DAND5: variants seen among roughly 807,000 people sequenced by gnomAD.
The protein encoded by DAND5 is DAN domain BMP antagonist family member 5.
In DAND5, 8 loss-of-function variants were observed where a neutral mutation model predicts 9.2. That is an observed-to-expected ratio of 0.87 (90% CI 0.51 to 1.56). The LOEUF is 1.56. DAND5 is among the 40% of genes most tolerant of loss of function. The pLI is 0.00. For missense variants in DAND5, 244 were observed against 244.7 expected, an observed-to-expected ratio of 1.00 and a Z score of 0.02; for synonymous variants, 95 against 101.1, an observed-to-expected ratio of 0.94 and a Z score of 0.36.
chr19:12,970,870 G>A (rs1236302298), intron 1 of DAND5, among the ~76,000 whole-genome samples: 1 of 152,100 alleles, frequency 6.6e-6, no homozygotes, highest in African/African-American at 2.4e-5. Flanking sequence ...TTGTAGAGAC[G>A]TGGTTTGGCC....
chr19:12,973,166 T>C (rs190926597), intron 1 of DAND5, among the ~76,000 whole-genome samples: 3 of 152,296 alleles, frequency 2.0e-5, no homozygotes, highest in African/African-American at 7.2e-5. Flanking sequence ...CCGGCCCTTG[T>C]TGAATTTCAA....
chr19:12,973,147 C>T (rs887972285), intron 1 of DAND5, among the ~76,000 whole-genome samples: 3 of 152,180 alleles, frequency 2.0e-5, no homozygotes, highest in African/African-American at 4.8e-5. Context: ...CAGGCGTGAG[C>T]CACCGCGCCC....
At chr19:12,971,485 G>A (rs2011145275) in intron 1 of DAND5, among the ~76,000 whole-genome samples, 1 of 151,520 alleles carries the variant, frequency 6.6e-6, no homozygotes, top group Admixed American at 6.6e-5. Context: ...CACCATGTTG[G>A]TCAGGCTGGT....
rs45499495 is a variant in DAND5 at position 12,973,693 on chromosome 19, G to T, written c.*59G>T. 1.4e-5 allele frequency: 22 copies of T among 1,573,332 alleles called. No individual in the cohort carries two copies. The highest frequency in any genetic ancestry group is 1.9e-5 in the Non-Finnish European group (22 of 1,159,768). ...CACCTTGGAGAAATGAGGGGAGATG[G>T]ACCAAGAAAGACGTGGACCTGGATG... On this transcript the variant is annotated 3_prime_UTR_variant, in exon 2 of 2. Transcript: ENST00000317060.
intron 1 of DAND5, among the ~76,000 whole-genome samples, chr19:12,971,825 A>C (rs1468916152): frequency 6.7e-6 from 1 of 150,008 alleles, no homozygotes; most frequent in African/African-American, 2.5e-5. Context: ...TCCTGACCTC[A>C]AATGATCCAC....
chr19:12,970,672 TTC>T, intron 1 of DAND5: 2 of 471,358 alleles, frequency 4.2e-6, no homozygotes, highest in Non-Finnish European at 7.5e-6. Flanking sequence ...CTTTCTTTCT[TTC>T]TTTTCTCTCT....
intron 1 of DAND5, among the ~76,000 whole-genome samples, chr19:12,972,309 T>C (rs1268479696): frequency 6.6e-6 from 1 of 152,126 alleles, no homozygotes; most frequent in African/African-American, 2.4e-5. Context: ...TCTGCCTGCG[T>C]TGGCCTCCCA....
Position 12,973,669 on chromosome 19 carries a change from A to C in DAND5, c.*35A>C. ...CGTGGATGGGTGCACGGAGACACGC[A>C]CCTTGGAGAAATGAGGGGAGATGGA... On this transcript the variant is annotated 3_prime_UTR_variant, in exon 2 of 2. Coordinates refer to ENST00000317060, the MANE Select transcript of DAND5 (RefSeq NM_152654.3). 6.3e-7 allele frequency: 1 copy of C among 1,596,614 alleles called. No individual in the cohort carries two copies.
chr19:12,970,331 G>C, intron 1 of DAND5: 1 of 625,784 alleles, frequency 1.6e-6, no homozygotes, highest in Non-Finnish European at 2.9e-6. Flanking sequence ...ACAAATTTCT[G>C]TACTCTCTGA....
rs2011159711 is a variant in DAND5, at chr19:12,973,841, G to A, written c.*207G>A. 1 of 624,382 alleles carries A rather than the reference G, an allele frequency of 1.6e-6. No individual in the cohort carries two copies. The highest frequency in any genetic ancestry group is 3.0e-5 in the East Asian group (1 of 33,772). The allele number at this position is 624,382 out of a possible 1,614,324, so 38.7% of individuals were successfully genotyped here. A position where few individuals can be genotyped will look rare whatever the true frequency, so the allele number is the denominator to read the frequency against. On this transcript the variant is annotated 3_prime_UTR_variant, in exon 2 of 2. Coordinates refer to ENST00000317060, the MANE Select transcript of DAND5 (RefSeq NM_152654.3). ...TGGAGTTGCACCACTGATAGTCACA[G>A]CACACAATGATTGACAACTCACTTT...
Position 12,974,644 on chromosome 19 carries a change from T to G in DAND5, c.*1010T>G, listed in dbSNP as rs2011164183. ...CAGGACCCTCGTGTTCCCAGCTGCCTCTTGCCTTGATAGTGGTGCTGTGTC... is the reference window on the plus strand; with the variant it reads ...CAGGACCCTCGTGTTCCCAGCTGCCGCTTGCCTTGATAGTGGTGCTGTGTC... On this transcript the variant is annotated 3_prime_UTR_variant, in exon 2 of 2. Coordinates refer to ENST00000317060, the MANE Select transcript of DAND5 (RefSeq NM_152654.3). 2 of 152,198 alleles carry G rather than the reference T, an allele frequency of 1.3e-5. No homozygotes were observed. Among genetic ancestry groups the G allele is most frequent in the South Asian group, 4.1e-4 (2 of 4,824 alleles). 9.4% of individuals were successfully genotyped at this position (152,198 alleles called of 1,614,324 possible). A position where few individuals can be genotyped will look rare whatever the true frequency, so the allele number is the denominator to read the frequency against.
At position 12,970,661 on chromosome 19, in the gene DAND5, C is replaced by CTTT. The variant is rs1035619087; in HGVS notation, c.324+677_324+678insTTT. The CTTT allele has an allele frequency of 1.4e-5, 6 of 424,040 alleles. No individual in the cohort carries two copies. The African/African-American group carries it at 2.2e-4, about 16-fold the overall frequency. 26.3% of individuals were successfully genotyped at this position (424,040 alleles called of 1,614,324 possible). A position where few individuals can be genotyped will look rare whatever the true frequency, so the allele number is the denominator to read the frequency against. ...TTTCTCTTTCTTTCTTTCTTTCTTT[C>CTTT]CTTTCTTTCTTTCTTTTCTCTCTCT... On this transcript the variant is annotated intron_variant, in intron 1 of 1. Transcript: ENST00000317060.
chr19:12,973,024 G>A (rs940623001), intron 1 of DAND5, among the ~76,000 whole-genome samples: 7 of 151,482 alleles, frequency 4.6e-5, no homozygotes, highest in Admixed American at 3.3e-4. Flanking sequence ...CACCACGCCC[G>A]GCTCATTTTT....
Position 12,973,795 on chromosome 19 carries a change from C to CAGT in DAND5, c.*164_*166dup. 1 of 965,098 alleles carries CAGT rather than the reference C, an allele frequency of 1.0e-6. No individual in the cohort carries two copies. Among genetic ancestry groups the CAGT allele is most frequent in the Non-Finnish European group, 1.5e-6 (1 of 667,976 alleles). 59.8% of individuals were successfully genotyped at this position (965,098 alleles called of 1,614,324 possible). ...CAGAGTCCTCACCCTGCTCCCCAGACAGTAGACACAGTGCCCGTCCTGGAG... is the reference window on the plus strand; with the variant it reads ...CAGAGTCCTCACCCTGCTCCCCAGACAGTAGTAGACACAGTGCCCGTCCTGGAG... On this transcript the variant is annotated 3_prime_UTR_variant, in exon 2 of 2. Coordinates refer to ENST00000317060, the MANE Select transcript of DAND5 (RefSeq NM_152654.3).
In DAND5 at chr19:12,974,174, A is replaced by C. The variant is rs1465948688; in HGVS notation, c.*540A>C. 3 of 153,468 alleles carry C rather than the reference A, an allele frequency of 2.0e-5. No individual in the cohort carries two copies. The highest frequency in any genetic ancestry group is 2.9e-5 in the Non-Finnish European group (2 of 69,366). The allele number at this position is 153,468 out of a possible 1,614,324, so 9.5% of individuals were successfully genotyped here. A position where few individuals can be genotyped will look rare whatever the true frequency, so the allele number is the denominator to read the frequency against. On this transcript the variant is annotated 3_prime_UTR_variant, in exon 2 of 2. Transcript: ENST00000317060. The stretch of plus-strand genomic sequence containing the variant: ...CTCTCTGTCACCCAGGCTGGAGTGC[A>C]ATGGCGCGATCTTGGCTCACTGTAA...
chr19:12,972,018 G>T (rs550722508), intron 1 of DAND5, among the ~76,000 whole-genome samples: 2 of 151,756 alleles, frequency 1.3e-5, no homozygotes, highest in East Asian at 1.9e-4. Context: ...AGCCTTCTGA[G>T]TAGCTAGGCC....
At chr19:12,970,077 G>C in intron 1 of DAND5, 93 bp downstream of exon 1, 1 of 1,452,124 alleles carries the variant, frequency 6.9e-7, no homozygotes, top group Non-Finnish European at 9.3e-7. Flanking sequence ...TTCAAGTCCT[G>C]TATCCTCCAC....
Position 12,969,911 on chromosome 19 carries a change from T to C in DAND5, c.251T>C (p.Val84Ala), listed in dbSNP as rs760221389. 11 of 1,613,972 alleles carry C rather than the reference T, an allele frequency of 6.8e-6. No homozygotes were observed. In the South Asian group the frequency reaches 7.7e-5, roughly 11 times the overall value. ...MGRLQRGQDE[V>A]AAVTLPLNPQ... ...AGGCTGCAGCGTGGGCAAGACGAGG[T>C]GGCTGCTGTGACTCTGCCGCTGAAC... The change falls in exon 1 of 2, where the codon GTG (valine) becomes GCG (alanine). Residue 84 changes from valine (V) to alanine (A), a missense_variant. Val to Ala is a moderately conservative substitution (Grantham distance 64). Transcript: ENST00000317060.
intron 1 of DAND5, among the ~76,000 whole-genome samples, chr19:12,970,753 T>C (rs1196296842): frequency 1.3e-5 from 2 of 151,948 alleles, no homozygotes; most frequent in Non-Finnish European, 2.9e-5. Flanking sequence ...CAATCTCGGC[T>C]CACTGCAACC....
Sources: allele counts gnomAD v4.1 joint callset (sites outside exome capture counted in the v4.1 genomes callset), GRCh38; gene constraint gnomAD v4.1.1; transcripts MANE v1.5; gene names NCBI Gene and HGNC (gene_info 2026-07-23, HGNC 2026-07-21).